The following RELN variants were observed in gnomAD, a reference collection of about 807,000 sequenced individuals.
RELN encodes the protein reelin.
RELN carries 108 observed loss-of-function variants against 427.6 expected under a neutral mutation model. The observed-to-expected ratio is 0.25, with a 90% confidence interval of 0.22 to 0.30. The LOEUF is 0.30. RELN is among the 10% of genes least tolerant of loss of function. The pLI is 1.00. For missense variants in RELN, 3,715 were observed against 4,302.8 expected (o/e 0.86, Z 3.82); for synonymous variants, 1,524 against 1,513.4 (o/e 1.01, Z -0.16).
At chr7:103,675,882 T>C (rs1833508809) in intron 11 of RELN, among the ~76,000 whole-genome samples, 1 of 90,036 alleles carries the variant, frequency 1.1e-5, no homozygotes, top group South Asian at 5.3e-4. Context: ...TATACAAAAA[T>C]TAATTCAAGA....
intron 1 of RELN, among the ~76,000 whole-genome samples, chr7:103,921,970 C>T (rs1795626496): frequency 1.3e-5 from 2 of 152,064 alleles, no homozygotes; most frequent in Admixed American, 1.3e-4. Flanking sequence ...CCTCAGTGAC[C>T]CCAGAGCTCA....
chr7:103,529,287 G>A (rs557031638), intron 46 of RELN, among the ~76,000 whole-genome samples: 2 of 152,246 alleles, frequency 1.3e-5, no homozygotes, highest in South Asian at 4.1e-4. Flanking sequence ...TAGCTTCCAC[G>A]GTGTGGCTAA....
chr7:103,941,363 G>T (rs187789185), intron 1 of RELN, among the ~76,000 whole-genome samples: 292 of 152,198 alleles, frequency 1.9e-3, no homozygotes, highest in Middle Eastern at 6.8e-3. Context: ...TTGTTCGAAG[G>T]GCATGGAAGA....
chr7:103,665,337 GGTGT>G (rs565319459), intron 11 of RELN, among the ~76,000 whole-genome samples: 1,645 of 146,576 alleles, frequency 0.011, 39 homozygotes, highest in African/African-American at 0.038. Context: ...TCATACATAT[GGTGT>G]GTGTGTGTGT....
chr7:103,989,156 G>A lies in RELN; in HGVS notation c.201C>T (p.Tyr67=), dbSNP rs2116859941. 6.2e-7 allele frequency: 1 copy of A among 1,614,056 alleles called. No homozygotes were observed. Among genetic ancestry groups the A allele is most frequent in the Non-Finnish European group, 8.5e-7 (1 of 1,179,990 alleles). Residue 67 remains tyrosine, a synonymous_variant, in exon 1 of 65, where the codon TAC becomes TAT. Coordinates refer to ENST00000428762, the MANE Select transcript of RELN (RefSeq NM_005045.4). This position sits in a 1 kb window ranked among gnomAD's most constrained non-coding sequence, Gnocchi z 4.9. ...CATGGTATTCTTGTCCCGGAACGTA[G>A]TAGGTGGGGTTGCCCGCAATATGCA... ...ISLHIAGNPT[Y]YVPGQEYHVT...
intron 10 of RELN, among the ~76,000 whole-genome samples, chr7:103,696,249 T>C (rs557496028): frequency 6.6e-6 from 1 of 152,280 alleles, no homozygotes; most frequent in East Asian, 1.9e-4. Flanking sequence ...TGTTGGAAAC[T>C]TGAGGGGATA....
Position 103,833,554 on chromosome 7 carries a change from T to A in RELN, c.456A>T (p.Thr152=). The change falls in exon 3 of 65, where the codon ACA becomes ACT. Residue 152 remains threonine (T), a synonymous_variant. Transcript: ENST00000428762. ...GTACTTACATGAAATTCACACAGCCTGTGCCCGCAGGTGGAGCAATCCAGA... is the reference window on the plus strand; with the variant it reads ...GTACTTACATGAAATTCACACAGCCAGTGCCCGCAGGTGGAGCAATCCAGA... The part of the protein sequence containing the change: ...SFIWIAPPAG[T]GCVNFMATAT... 1.9e-6 allele frequency: 3 copies of A among 1,614,042 alleles called. No homozygotes were observed. Among genetic ancestry groups the A allele is most frequent in the Non-Finnish European group, 2.5e-6 (3 of 1,179,932 alleles).
chr7:103,825,860 A>G (rs1236743615), intron 3 of RELN, among the ~76,000 whole-genome samples: 1 of 152,066 alleles, frequency 6.6e-6, no homozygotes, highest in Non-Finnish European at 1.5e-5. Context: ...GTTCTAAACA[A>G]ATTTTAGAAT....
rs28457002 is a variant in RELN, at chr7:103,918,177, C to T, written c.227-992G>A. 5.5e-3 allele frequency among the ~76,000 whole-genome samples: 843 copies of T among 152,204 alleles called. 11 individuals carry two copies. The highest frequency in any genetic ancestry group is 0.02 in the African/African-American group (811 of 41,546). ...ATATTACAAAGCATAAAACAAGACA[C>T]ATATCAATAGAATAGCCTGACATCA... On this transcript the variant is annotated intron_variant, in intron 1 of 64. Transcript: ENST00000428762.
intron 1 of RELN, among the ~76,000 whole-genome samples, chr7:103,925,801 GAGA>G (rs770753015): frequency 1.1e-4 from 16 of 152,132 alleles, no homozygotes; most frequent in Non-Finnish European, 2.2e-4. Context: ...TTTCTAGGTT[GAGA>G]AGAATAAGCC....
At chr7:103,779,169 T>C (rs1306654814) in intron 3 of RELN, among the ~76,000 whole-genome samples, 2 of 151,988 alleles carry the variant, frequency 1.3e-5, no homozygotes, top group Non-Finnish European at 2.9e-5. Context: ...GGGGTCTCCA[T>C]GAGAGTCAAG....
chr7:103,826,907 C>T (rs1023773413), intron 3 of RELN, among the ~76,000 whole-genome samples: 3 of 151,974 alleles, frequency 2.0e-5, no homozygotes, highest in South Asian at 2.1e-4. Context: ...CTTGTGGATA[C>T]CAAGTTCAGT....
At chr7:103,489,527 A>G (rs1359436230) in intron 60 of RELN, among the ~76,000 whole-genome samples, 1 of 152,150 alleles carries the variant, frequency 6.6e-6, no homozygotes, top group African/African-American at 2.4e-5. Context: ...AGTAGATTTC[A>G]TTTCTATATT....
rs1407410141 is a variant in RELN, at chr7:103,704,104, A to G, written c.806-3098T>C. Reference sequence around the variant, plus strand: ...AGAAATGATGTTTTTTGTGAAAGGTAGTTGGTTCCAGTGGTCTTGGTTATC... The same window carrying G: ...AGAAATGATGTTTTTTGTGAAAGGTGGTTGGTTCCAGTGGTCTTGGTTATC... On this transcript the variant is annotated intron_variant, in intron 8 of 64. Coordinates refer to ENST00000428762, the MANE Select transcript of RELN (RefSeq NM_005045.4). Among the ~76,000 whole-genome samples, 3 of 152,326 alleles carry G rather than the reference A, an allele frequency of 2.0e-5. No homozygotes were observed. In the South Asian group the frequency reaches 6.2e-4, roughly 32 times the overall value.
intron 20 of RELN, among the ~76,000 whole-genome samples, chr7:103,616,268 T>C (rs914830801): frequency 1.3e-5 from 2 of 152,220 alleles, no homozygotes; most frequent in Non-Finnish European, 2.9e-5. Flanking sequence ...AATGTTGTTT[T>C]TGTTTTGATA....
intron 4 of RELN, among the ~76,000 whole-genome samples, chr7:103,754,031 C>T (rs745558579): frequency 6.6e-6 from 1 of 152,008 alleles, no homozygotes; most frequent in Non-Finnish European, 1.5e-5. Context: ...AATTCAGTTA[C>T]TGGAAGATCT....
intron 20 of RELN, among the ~76,000 whole-genome samples, chr7:103,622,925 A>T (rs1361607005): frequency 6.6e-6 from 1 of 152,242 alleles, no homozygotes; most frequent in African/African-American, 2.4e-5. Flanking sequence ...TAGTACAAAT[A>T]GTGCTTGTAA....
intron 16 of RELN, among the ~76,000 whole-genome samples, chr7:103,644,396 T>C (rs567292085): frequency 7.4e-5 from 11 of 149,520 alleles, no homozygotes; most frequent in South Asian, 2.1e-4. Context: ...TTACCAAAGA[T>C]ATAAGTATGT....
chr7:103,516,868 A>G (rs1829578534), intron 49 of RELN, among the ~76,000 whole-genome samples: 1 of 151,876 alleles, frequency 6.6e-6, no homozygotes, highest in Non-Finnish European at 1.5e-5. Context: ...TGGCCAGAAC[A>G]GTAGGTAGTA....
Sources: allele counts gnomAD v4.1 joint callset (sites outside exome capture counted in the v4.1 genomes callset), GRCh38; gene constraint gnomAD v4.1.1; non-coding constraint Gnocchi (gnomAD v3.1); transcripts MANE v1.5; gene names NCBI Gene and HGNC (gene_info 2026-07-23, HGNC 2026-07-21).